Variants in CTNNA3 observed in about 807,000 individuals in gnomAD.
The protein encoded by CTNNA3 is catenin alpha 3.
A neutral mutation model predicts 95.7 loss-of-function variants in CTNNA3; 76 were observed. The observed-to-expected ratio is 0.79, with a 90% CI of 0.66 to 0.96. The LOEUF is 0.96. CTNNA3 is among the 40% of genes least tolerant of loss of function. The pLI, the probability that CTNNA3 is intolerant of heterozygous loss-of-function variation, is 0.00. For missense variants in CTNNA3, 1,191 were observed against 1,089.8 expected (o/e 1.09, Z -1.31); for synonymous variants, 431 against 374.4 (o/e 1.15, Z -1.74).
rs1405323362 is a variant in CTNNA3, at chr10:67,489,018, G to A, written c.579+32824C>T. On this transcript the variant is annotated intron_variant, in intron 5 of 17. Transcript: ENST00000433211. Reference sequence around the variant, plus strand: ...CCCAAAGTACTGGGATTATAGGCATGAGCCACCACGCCCAGATGGATCAGC... The same window carrying A: ...CCCAAAGTACTGGGATTATAGGCATAAGCCACCACGCCCAGATGGATCAGC... Among the ~76,000 whole-genome samples the A allele has an allele frequency of 3.3e-5, 5 of 152,186 alleles. No individual in the cohort carries two copies. The East Asian group carries it at 9.6e-4, about 29-fold the overall frequency.
intron 4 of CTNNA3, among the ~76,000 whole-genome samples, chr10:67,530,057 T>C (rs999466231): frequency 1.3e-5 from 2 of 152,214 alleles, no homozygotes; most frequent in Non-Finnish European, 2.9e-5. Flanking sequence ...GCTTCCACCA[T>C]GATTGTGTAG....
intron 12 of CTNNA3, among the ~76,000 whole-genome samples, chr10:66,294,102 G>C (rs903863863): frequency 6.6e-6 from 1 of 152,124 alleles, no homozygotes; most frequent in African/African-American, 2.4e-5. Flanking sequence ...AGAATCTTTG[G>C]AATAGTTGCA....
At chr10:67,743,726 A>G (rs190246958) in intron 1 of CTNNA3, among the ~76,000 whole-genome samples, 1 of 151,440 alleles carries the variant, frequency 6.6e-6, no homozygotes, top group Non-Finnish European at 1.5e-5. Context: ...CTGTTTGCAG[A>G]TGACATGATT....
intron 12 of CTNNA3, among the ~76,000 whole-genome samples, chr10:66,342,318 A>G (rs1158527834): frequency 6.6e-6 from 1 of 152,068 alleles, no homozygotes; most frequent in Non-Finnish European, 1.5e-5. Context: ...CAGGAACTTC[A>G]TAAAGAGCAT....
At chr10:66,951,402 C>T (rs1018686748) in intron 7 of CTNNA3, among the ~76,000 whole-genome samples, 3 of 152,184 alleles carry the variant, frequency 2.0e-5, no homozygotes, top group Non-Finnish European at 4.4e-5. Context: ...AGGCATAAGC[C>T]ACCATGCCCA....
intron 13 of CTNNA3, among the ~76,000 whole-genome samples, chr10:66,199,266 G>C (rs932261874): frequency 6.6e-6 from 1 of 152,024 alleles, no homozygotes; most frequent in African/African-American, 2.4e-5. Context: ...TTCAAAGATT[G>C]ACTGTATTAA....
At chr10:66,891,369 C>T (rs1366477219) in intron 7 of CTNNA3, among the ~76,000 whole-genome samples, 1 of 152,190 alleles carries the variant, frequency 6.6e-6, no homozygotes, top group Non-Finnish European at 1.5e-5. Context: ...TGATAGCTCT[C>T]ATAAAGCAAC....
intron 17 of CTNNA3, among the ~76,000 whole-genome samples, chr10:65,962,891 C>A (rs746284613): frequency 2.6e-5 from 4 of 152,094 alleles, no homozygotes; most frequent in Admixed American, 2.0e-4. Flanking sequence ...TTAACTCATC[C>A]TTTTATGTGG....
chr10:66,743,385 A>G (rs184891135), intron 9 of CTNNA3, among the ~76,000 whole-genome samples: 101 of 152,300 alleles, frequency 6.6e-4, no homozygotes, highest in Middle Eastern at 3.4e-3. Context: ...ATGACTTTTT[A>G]CCTAGATATA....
At chr10:67,704,964 G>T (rs550965172) in intron 1 of CTNNA3, among the ~76,000 whole-genome samples, 30 of 151,986 alleles carry the variant, frequency 2.0e-4, no homozygotes, top group African/African-American at 7.0e-4. Context: ...AAAAGTGGGC[G>T]AACGACATGA....
chr10:67,094,032 A>T (rs982764234), intron 7 of CTNNA3, among the ~76,000 whole-genome samples: 5 of 151,998 alleles, frequency 3.3e-5, no homozygotes, highest in Admixed American at 3.3e-4. Context: ...TCCTACTCGA[A>T]TTAACTTATG....
At chr10:67,009,318 T>A (rs7896690) in intron 7 of CTNNA3, among the ~76,000 whole-genome samples, 48,248 of 151,884 alleles carry the variant, frequency 0.32, 7,999 homozygotes, top group Middle Eastern at 0.5. Context: ...TGAACTAAAT[T>A]TTATGGGATT....
chr10:65,960,405 G>A (rs561726715), intron 17 of CTNNA3, among the ~76,000 whole-genome samples: 37 of 152,158 alleles, frequency 2.4e-4, no homozygotes, highest in African/African-American at 5.8e-4. Context: ...GGCACCTGTA[G>A]TCCCACCTAC....
At chr10:67,311,607 T>C (rs1324255903) in intron 5 of CTNNA3, among the ~76,000 whole-genome samples, 2 of 152,154 alleles carry the variant, frequency 1.3e-5, no homozygotes, top group African/African-American at 4.8e-5. Flanking sequence ...AATGGGTGCA[T>C]TTTATTGTAT....
At chr10:66,243,414 C>T (rs2090183101) in intron 13 of CTNNA3, among the ~76,000 whole-genome samples, 1 of 152,116 alleles carries the variant, frequency 6.6e-6, no homozygotes, top group Non-Finnish European at 1.5e-5. Flanking sequence ...AAGCCTGCTA[C>T]CTGGAAACTT....
chr10:67,397,739 GAGCC>G (rs1481151141), intron 5 of CTNNA3, among the ~76,000 whole-genome samples: 3 of 152,224 alleles, frequency 2.0e-5, no homozygotes, highest in Non-Finnish European at 4.4e-5. Flanking sequence ...TTCATGGGCA[GAGCC>G]CAGGGCCCCC....
rs181294104 is a variant in CTNNA3 at position 66,433,745 on chromosome 10, A to T, written c.1532-54393T>A. Among the ~76,000 whole-genome samples the T allele has an allele frequency of 3.3e-3, 505 of 152,222 alleles. 1 individual carries two copies. Among genetic ancestry groups the T allele is most frequent in the African/African-American group, 0.012 (484 of 41,534 alleles). On this transcript the variant is annotated intron_variant, in intron 11 of 17. Transcript: ENST00000433211. ...GCCTATGTCCTGAATGGTACTGCCTAGGTTTTCTTCTAGGGCTTTTATGGT... is the reference window on the plus strand; with the variant it reads ...GCCTATGTCCTGAATGGTACTGCCTTGGTTTTCTTCTAGGGCTTTTATGGT...
At chr10:66,877,587 A>T (rs73325566) in intron 7 of CTNNA3, among the ~76,000 whole-genome samples, 9,519 of 152,202 alleles carry the variant, frequency 0.063, 349 homozygotes, top group African/African-American at 0.081. Context: ...TATCTGTGAG[A>T]TGGCCATTTA....
rs1841034429 is a variant in CTNNA3, at chr10:66,520,725, C to A, written c.1423G>T (p.Val475Phe). The A allele has an allele frequency of 3.7e-6, 6 of 1,612,890 alleles. No individual in the cohort carries two copies. In the East Asian group the frequency reaches 1.3e-4, roughly 36 times the overall value. Residue 475 changes from valine (V) to phenylalanine (F), a missense_variant, in exon 11 of 18, where the codon GTC becomes TTC. By Grantham distance (50) the Val-to-Phe change is conservative. Coordinates refer to ENST00000433211, the MANE Select transcript of CTNNA3 (RefSeq NM_013266.4). ...TTGTACATTTCCATGGTGTTTTTGA[C>A]CGCTTGACTTTTGGGTCTTGCAGCC... is the stretch of plus-strand genomic sequence containing the variant. ...ALAARPKSQA[V>F]KNTMEMYKRT...
Sources: allele counts gnomAD v4.1 joint callset (sites outside exome capture counted in the v4.1 genomes callset), GRCh38; gene constraint gnomAD v4.1.1; transcripts MANE v1.5; gene names NCBI Gene and HGNC (gene_info 2026-07-23, HGNC 2026-07-21).